Variants in MAPT observed in about 807,000 individuals in gnomAD.
The protein encoded by MAPT is microtubule associated protein tau, also known as microtubule-associated protein tau.
MAPT carries 34 observed loss-of-function variants against 67.9 expected under a neutral mutation model. The ratio of observed to expected loss-of-function variants is 0.50; its 90% CI spans 0.38 to 0.67. The LOEUF is 0.67. Ranked by LOEUF, MAPT falls within the 30% of genes least tolerant of loss-of-function variation. MAPT has a pLI of 0.00. For missense variants in MAPT, 881 were observed against 1,115.2 expected (o/e 0.79, Z 2.99); for synonymous variants, 456 against 464.5 (o/e 0.98, Z 0.23).
rs1361708550 is a variant in MAPT, at chr17:46,026,132, T to C, written c.*1961T>C. 1 of 151,232 alleles carries C rather than the reference T, an allele frequency of 6.6e-6. No homozygotes were observed. The highest frequency in any genetic ancestry group is 1.5e-5 in the Non-Finnish European group (1 of 67,816). 9.4% of individuals were successfully genotyped at this position (151,232 alleles called of 1,614,324 possible). ...GGACGCATGTATCTTGAAATGCTTG[T>C]AAAGAGGTTTCTAACCCACCCTCAC... On this transcript the variant is annotated 3_prime_UTR_variant, in exon 13 of 13. Transcript: ENST00000262410.
intron 1 of MAPT, among the ~76,000 whole-genome samples, chr17:45,904,352 T>C (rs2064130819): frequency 1.1e-5 from 1 of 91,278 alleles, no homozygotes; most frequent in Non-Finnish European, 2.2e-5. Context: ...ATATATTATA[T>C]ATATTATATA....
At chr17:45,941,323 G>A (rs897527225) in intron 1 of MAPT, among the ~76,000 whole-genome samples, 4 of 152,114 alleles carry the variant, frequency 2.6e-5, no homozygotes, top group African/African-American at 9.7e-5. Context: ...AGTCTTCCTT[G>A]ATGATTTTGA....
chr17:45,945,480 C>A (rs140359269), intron 1 of MAPT, among the ~76,000 whole-genome samples: 1 of 152,144 alleles, frequency 6.6e-6, no homozygotes, highest in South Asian at 2.1e-4. Flanking sequence ...CTCTCAACAG[C>A]GATGCTACAA....
At chr17:45,924,782 C>T (rs1031621925) in intron 1 of MAPT, among the ~76,000 whole-genome samples, 6 of 152,208 alleles carry the variant, frequency 3.9e-5, no homozygotes, top group African/African-American at 1.4e-4. Flanking sequence ...AGGACACTGC[C>T]CTCATGTCTA....
chr17:46,010,524 C>A lies in MAPT; in HGVS notation c.2091+122C>A. The stretch of plus-strand genomic sequence containing the variant: ...TCCTTCTTGGGCTCTCAGGATCTGG[C>A]TGCGACCTCTGGGTGAATGTAGCCC... On this transcript the variant is annotated intron_variant, in intron 10 of 12. Coordinates refer to ENST00000262410, the MANE Select transcript of MAPT (RefSeq NM_001377265.1). The surrounding 1 kb of genome is among the most constrained non-coding windows in gnomAD (Gnocchi z 4.7). The A allele has an allele frequency of 2.6e-6, 2 of 768,222 alleles. No homozygotes were observed. The highest frequency in any genetic ancestry group is 1.5e-5 in the South Asian group (1 of 68,650). The allele number at this position is 768,222 out of a possible 1,614,324, so 47.6% of individuals were successfully genotyped here.
intron 11 of MAPT, among the ~76,000 whole-genome samples, chr17:46,015,442 A>G (rs994980764): frequency 6.6e-6 from 1 of 151,822 alleles, no homozygotes; most frequent in African/African-American, 2.4e-5. Context: ...AGCGGATCAC[A>G]AGGTCAGGAG....
intron 1 of MAPT, chr17:45,931,706 T>C (rs933637304): frequency 2.6e-5 from 4 of 152,212 alleles, no homozygotes; most frequent in African/African-American, 4.8e-5. Flanking sequence ...AAATATATCA[T>C]CTATGAGTAA....
intron 1 of MAPT, among the ~76,000 whole-genome samples, chr17:45,933,520 G>A (rs1015048463): frequency 2.0e-5 from 3 of 152,282 alleles, no homozygotes; most frequent in Admixed American, 6.5e-5. Flanking sequence ...GATTACAGGC[G>A]TGAGCCACCG....
At position 45,915,813 on chromosome 17, in the gene MAPT, C is replaced by T. The variant is rs138077008; in HGVS notation, c.-18+21127C>T. 5.9e-5 allele frequency among the ~76,000 whole-genome samples: 9 copies of T among 152,240 alleles called. No individual in the cohort carries two copies. Among genetic ancestry groups the T allele is most frequent in the African/African-American group, 1.2e-4 (5 of 41,520 alleles). The stretch of plus-strand genomic sequence containing the variant: ...GTTCCCTGCATTTCCAATGAGACCT[C>T]GGTGGACATGTTCCCTGAGGTGAGG... On this transcript the variant is annotated intron_variant, in intron 1 of 12. Transcript: ENST00000262410. The surrounding 1 kb of genome is among the most constrained non-coding windows in gnomAD (Gnocchi z 4.4).
chr17:45,919,337 C>A (rs1000032592), intron 1 of MAPT, among the ~76,000 whole-genome samples: 1 of 149,348 alleles, frequency 6.7e-6, no homozygotes, highest in Non-Finnish European at 1.5e-5. Flanking sequence ...TACAGATAAC[C>A]AGAGGAAGGG....
intron 5 of MAPT, among the ~76,000 whole-genome samples, chr17:45,986,546 G>A (rs372389435): frequency 5.9e-5 from 9 of 152,218 alleles, no homozygotes; most frequent in African/African-American, 2.2e-4. Context: ...CTGCAGTGTG[G>A]AGACAATGCA....
At chr17:45,959,717 G>A (rs906763057) in intron 1 of MAPT, among the ~76,000 whole-genome samples, 2 of 150,170 alleles carry the variant, frequency 1.3e-5, no homozygotes, top group Admixed American at 1.3e-4. Context: ...GGAGGCGGAG[G>A]TTTCAGTGAG....
Position 45,896,531 on chromosome 17 carries a change from G to A in MAPT, c.-18+1845G>A, listed in dbSNP as rs1174378075. The A allele has an allele frequency of 1.3e-5, 2 of 152,324 alleles. No individual in the cohort carries two copies. The highest frequency in any genetic ancestry group is 6.5e-5 in the Admixed American group (1 of 15,282). The allele number at this position is 152,324 out of a possible 1,614,324, so 9.4% of individuals were successfully genotyped here. On this transcript the variant is annotated intron_variant, in intron 1 of 12. Transcript: ENST00000262410. The surrounding 1 kb of genome is among the most constrained non-coding windows in gnomAD (Gnocchi z 5.6). ...AGGGGGGATTGCCATGGAAACCACAGGTGTCCGGAGAGGGGATCTTGGGGC... is the reference window on the plus strand; with the variant it reads ...AGGGGGGATTGCCATGGAAACCACAAGTGTCCGGAGAGGGGATCTTGGGGC...
chr17:45,983,783 T>C lies in MAPT; in HGVS notation c.1204T>C (p.Phe402Leu), dbSNP rs1481476866. 1.2e-6 allele frequency: 2 copies of C among 1,613,856 alleles called. No individual in the cohort carries two copies. Among genetic ancestry groups the C allele is most frequent in the Non-Finnish European group, 1.7e-6 (2 of 1,179,968 alleles). Reference protein sequence around the residue: ...HSEEHLGRAAFPGAPGEGPEA... With the variant: ...HSEEHLGRAALPGAPGEGPEA... ...GGAGGAGCATTTGGGAAGGGCTGCA[T>C]TTCCAGGGGCCCCTGGAGAGGGGCC... The change falls in exon 5 of 13, where the codon TTT (phenylalanine) becomes CTT (leucine). Residue 402 changes from phenylalanine (F) to leucine (L), a missense_variant. By Grantham distance (22) the Phe-to-Leu change is conservative. This residue lies in a region of MAPT where 687 missense variants were observed against 766.1 expected (regional missense o/e 0.90). Transcript: ENST00000262410.
chr17:46,005,216 T>C (rs1162179207), intron 9 of MAPT, among the ~76,000 whole-genome samples: 1 of 152,254 alleles, frequency 6.6e-6, no homozygotes. Context: ...GTAAGTTTTC[T>C]TTGTCAGATA....
Position 45,920,093 on chromosome 17 carries a change from A to G in MAPT, c.-18+25407A>G, listed in dbSNP as rs73314903. Among the ~76,000 whole-genome samples the G allele has an allele frequency of 5.1e-3, 772 of 152,352 alleles. 9 individuals carry two copies. The highest frequency in any genetic ancestry group is 0.018 in the African/African-American group (743 of 41,570). On this transcript the variant is annotated intron_variant, in intron 1 of 12. Coordinates refer to ENST00000262410, the MANE Select transcript of MAPT (RefSeq NM_001377265.1). The stretch of plus-strand genomic sequence containing the variant: ...CAGATGAGCTGCAGGCGTGGAGCAC[A>G]GGAGCCAGGGTGCTCTTCCTGGGCT...
At chr17:45,988,705 G>A (rs1402853444) in intron 6 of MAPT, among the ~76,000 whole-genome samples, 1 of 151,958 alleles carries the variant, frequency 6.6e-6, no homozygotes, top group East Asian at 1.9e-4. Context: ...GTGGGAGGAT[G>A]TCCCCAGCCC....
intron 3 of MAPT, chr17:45,974,138 G>T: frequency 1.8e-6 from 1 of 567,316 alleles, no homozygotes; most frequent in Non-Finnish European, 3.2e-6. Context: ...GTTTACACAG[G>T]GCTGCCGGGC....
rs144397565 is a variant in MAPT, at chr17:45,978,387, G to T, written c.233G>T (p.Gly78Val). The change falls in exon 4 of 13, where the codon GGC becomes GTC. Residue 78 changes from glycine to valine, a missense_variant. Gly to Val is a moderately radical substitution (Grantham distance 109). Around this residue, in one of 6 missense-constraint regions of MAPT, gnomAD observed 687 missense variants for 766.1 expected, o/e 0.90. Transcript: ENST00000262410. ...ACACATACACCAGCTGAAGAAGCAG[G>T]CATTGGAGACACCCCCAGCCTGGAA... is the stretch of plus-strand genomic sequence containing the variant. ...STPTAEAEEA[G>V]IGDTPSLEDE... 88 of 1,613,660 alleles carry T rather than the reference G, an allele frequency of 5.5e-5. No homozygotes were observed. The highest frequency in any genetic ancestry group is 7.2e-5 in the Non-Finnish European group (85 of 1,179,964).
Sources: gnomAD v4.1 joint callset for allele counts (sites outside exome capture counted in the v4.1 genomes callset) on GRCh38, gnomAD v4.1.1 for gene constraint, gnomAD v4.1.1 regional missense constraint, Gnocchi (gnomAD v3.1) non-coding constraint, MANE v1.5 for transcripts, NCBI Gene and HGNC (gene_info 2026-07-23, HGNC 2026-07-21) for gene names.